CDH13: variants seen among roughly 807,000 people sequenced by gnomAD.
The protein encoded by CDH13 is cadherin 13, also known as cadherin-13.
Under a neutral mutation model 63.8 loss-of-function variants are expected in CDH13, and 24 were observed. The ratio of observed to expected loss-of-function variants is 0.38; its 90% CI spans 0.27 to 0.53. The LOEUF (loss-of-function observed/expected upper bound fraction) is 0.53, where lower values mean the gene tolerates loss of function less well. Ranked by LOEUF, CDH13 falls within the 20% of genes least tolerant of loss-of-function variation. The probability of loss-of-function intolerance (pLI) is 0.85; values close to 1 mark genes in which losing one functional copy is unlikely to be tolerated. For synonymous variants in CDH13, 503 were observed against 355.3 expected (o/e 1.42, Z -4.67); for missense variants, 1,049 against 903.1 (o/e 1.16, Z -2.07).
intron 2 of CDH13, among the ~76,000 whole-genome samples, chr16:82,905,052 G>T (rs2041596426): frequency 1.3e-5 from 2 of 152,166 alleles, no homozygotes; most frequent in South Asian, 2.1e-4. Flanking sequence ...TTCCCTAGAA[G>T]CATCTCGCTG....
At chr16:83,619,851 C>G (rs1909643482) in intron 8 of CDH13, among the ~76,000 whole-genome samples, 2 of 152,144 alleles carry the variant, frequency 1.3e-5, no homozygotes, top group African/African-American at 4.8e-5. Flanking sequence ...GGGGGAGACA[C>G]AATTCAAAGT....
chr16:83,624,002 C>T (rs892101139), intron 8 of CDH13, among the ~76,000 whole-genome samples: 18 of 152,168 alleles, frequency 1.2e-4, no homozygotes, highest in Non-Finnish European at 1.9e-4. Context: ...TCCTGGAAGG[C>T]ATTGGTACTC....
intron 6 of CDH13, among the ~76,000 whole-genome samples, chr16:83,436,311 T>C (rs2151489796): frequency 6.6e-6 from 1 of 152,308 alleles, no homozygotes; most frequent in Non-Finnish European, 1.5e-5. Flanking sequence ...TAATAATGCT[T>C]ATGTCATAGT....
chr16:83,333,514 G>A (rs2090521393), intron 5 of CDH13, among the ~76,000 whole-genome samples: 1 of 152,110 alleles, frequency 6.6e-6, no homozygotes, highest in South Asian at 2.1e-4. Flanking sequence ...CTTGACCTGT[G>A]ACGAGGCTGT....
intron 3 of CDH13, among the ~76,000 whole-genome samples, chr16:83,111,745 G>A (rs4508407): frequency 0.62 from 94,250 of 152,016 alleles, 29,792 homozygotes; most frequent in Middle Eastern, 0.71. Context: ...TCAATAGATC[G>A]TCATAACTTG....
chr16:82,712,592 A>G (rs1198911067), intron 1 of CDH13, among the ~76,000 whole-genome samples: 1 of 152,120 alleles, frequency 6.6e-6, no homozygotes, highest in African/African-American at 2.4e-5. Context: ...TCTCACATGG[A>G]TGTCTACAAA....
intron 9 of CDH13, among the ~76,000 whole-genome samples, chr16:83,672,409 C>CTTGTTTTTTTTTT (rs1914579541): frequency 2.8e-5 from 1 of 35,106 alleles, no homozygotes. Flanking sequence ...TCTGGATTCT[C>CTTGTTTTTTTTTT]TTTTTTTTTT....
At chr16:82,891,780 C>G (rs144899470) in intron 2 of CDH13, among the ~76,000 whole-genome samples, 1 of 152,124 alleles carries the variant, frequency 6.6e-6, no homozygotes, top group African/African-American at 2.4e-5. Flanking sequence ...TAATGACCCA[C>G]CTGAAGATGA....
At chr16:82,828,857 T>A (rs546851472) in intron 1 of CDH13, among the ~76,000 whole-genome samples, 1 of 152,274 alleles carries the variant, frequency 6.6e-6, no homozygotes, top group South Asian at 2.1e-4. Flanking sequence ...GCGAATACTA[T>A]GCCATTTTAC....
chr16:83,553,977 G>A (rs1433662357), intron 7 of CDH13, among the ~76,000 whole-genome samples: 1 of 152,148 alleles, frequency 6.6e-6, no homozygotes, highest in African/African-American at 2.4e-5. Context: ...AAACGATTCT[G>A]CAGTGAACAT....
At chr16:82,937,487 A>C (rs2042707716) in intron 2 of CDH13, among the ~76,000 whole-genome samples, 1 of 152,168 alleles carries the variant, frequency 6.6e-6, no homozygotes, top group South Asian at 2.1e-4. Flanking sequence ...GAATTCCGTG[A>C]GAACAGAGTC....
At chr16:83,558,275 C>G (rs959219925) in intron 7 of CDH13, among the ~76,000 whole-genome samples, 9 of 152,132 alleles carry the variant, frequency 5.9e-5, no homozygotes, top group African/African-American at 1.7e-4. Context: ...ATTGGATCAG[C>G]GCGGTACCAG....
In CDH13 at chr16:83,523,523, C is replaced by G. The variant is rs147403151; in HGVS notation, c.960+36868C>G. 8.9e-3 allele frequency among the ~76,000 whole-genome samples: 1,356 copies of G among 152,278 alleles called. 4 individuals are homozygous for G. The highest frequency in any genetic ancestry group is 0.015 in the Non-Finnish European group (1,053 of 68,016). On this transcript the variant is annotated intron_variant, in intron 7 of 13. Coordinates refer to ENST00000567109, the MANE Select transcript of CDH13 (RefSeq NM_001257.5). Reference sequence around the variant, plus strand: ...TCCACTGGAGCAGCCTGTACCCTGCCAACCAGTGCCCCCCACACCAGGACT... The same window carrying G: ...TCCACTGGAGCAGCCTGTACCCTGCGAACCAGTGCCCCCCACACCAGGACT...
chr16:83,035,624 C>G (rs568759718), intron 3 of CDH13, among the ~76,000 whole-genome samples: 1 of 152,148 alleles, frequency 6.6e-6, no homozygotes, highest in African/African-American at 2.4e-5. Flanking sequence ...GCCCCTGAGT[C>G]CGTGCCTCCA....
intron 1 of CDH13, among the ~76,000 whole-genome samples, chr16:82,738,302 T>A (rs1028929437): frequency 1.3e-5 from 2 of 152,230 alleles, no homozygotes; most frequent in African/African-American, 4.8e-5. Flanking sequence ...GAAGTTGGCT[T>A]CTTACCTGGC....
chr16:83,473,837 C>T (rs114616038), intron 6 of CDH13, among the ~76,000 whole-genome samples: 3,813 of 152,190 alleles, frequency 0.025, 158 homozygotes, highest in African/African-American at 0.086. Flanking sequence ...GATGGGCAAG[C>T]GGCTTTACCT....
chr16:83,127,830 G>T (rs1490630797), intron 4 of CDH13, among the ~76,000 whole-genome samples: 1 of 152,162 alleles, frequency 6.6e-6, no homozygotes, highest in African/African-American at 2.4e-5. Context: ...CTCCCACTGT[G>T]CCAAAGATAC....
At chr16:82,879,513 T>C (rs1171709632) in intron 2 of CDH13, among the ~76,000 whole-genome samples, 1 of 143,950 alleles carries the variant, frequency 6.9e-6, no homozygotes, top group African/African-American at 2.5e-5. Flanking sequence ...TAATATATAT[T>C]TATAGTATAT....
chr16:83,242,406 A>T (rs1904551675), intron 5 of CDH13, among the ~76,000 whole-genome samples: 1 of 151,744 alleles, frequency 6.6e-6, no homozygotes. Flanking sequence ...CCGTTAGAAA[A>T]ATAGGTTGGT....
Sources: gnomAD v4.1 joint callset for allele counts (sites outside exome capture counted in the v4.1 genomes callset) on GRCh38, gnomAD v4.1.1 for gene constraint, MANE v1.5 for transcripts, NCBI Gene and HGNC (gene_info 2026-07-23, HGNC 2026-07-21) for gene names.